Variants in UNC5C observed in about 807,000 individuals in gnomAD.
UNC5C encodes the protein netrin receptor UNC5C.
A neutral mutation model predicts 99.8 loss-of-function variants in UNC5C; 47 were observed. The observed-to-expected ratio is 0.47, with a 90% CI of 0.37 to 0.60. The LOEUF (loss-of-function observed/expected upper bound fraction) is 0.60. UNC5C is among the 20% of genes least tolerant of loss of function. UNC5C has a pLI of 0.00. For missense variants in UNC5C, 1,062 were observed against 1,165.9 expected (o/e 0.91, Z 1.30); for synonymous variants, 487 against 452.2 (o/e 1.08, Z -0.98).
chr4:95,471,666 C>T (rs149138846), intron 1 of UNC5C, among the ~76,000 whole-genome samples: 49 of 152,146 alleles, frequency 3.2e-4, no homozygotes, highest in African/African-American at 9.9e-4. Context: ...TATATTTTTA[C>T]GTCAAATTTC....
intron 2 of UNC5C, among the ~76,000 whole-genome samples, chr4:95,322,811 A>T (rs1318306833): frequency 6.6e-6 from 1 of 151,796 alleles, no homozygotes; most frequent in Non-Finnish European, 1.5e-5. Context: ...TGCCAGCAGC[A>T]TCTGTAGTCC....
chr4:95,539,199 C>T (rs920867834), intron 1 of UNC5C, among the ~76,000 whole-genome samples: 3 of 152,184 alleles, frequency 2.0e-5, no homozygotes, highest in Non-Finnish European at 2.9e-5. Flanking sequence ...CCTGCGTGCA[C>T]TGCATGCATA....
intron 1 of UNC5C, among the ~76,000 whole-genome samples, chr4:95,411,654 G>A (rs1745997595): frequency 6.6e-6 from 1 of 152,180 alleles, no homozygotes; most frequent in Non-Finnish European, 1.5e-5. Flanking sequence ...TTCACTGGAG[G>A]AAATTAGGCA....
chr4:95,169,926 C>T (rs1736021156), intron 15 of UNC5C, among the ~76,000 whole-genome samples: 1 of 152,124 alleles, frequency 6.6e-6, no homozygotes, highest in African/African-American at 2.4e-5. Flanking sequence ...AAGTGCATCA[C>T]AAAACTTGAT....
At position 95,182,894 on chromosome 4, in the gene UNC5C, T is replaced by C. The variant is rs763365360; in HGVS notation, c.2451+3A>G. Reference sequence around the variant, plus strand: ...TGATTTCAGACAGACAGGAGCCACTTACCTCTGACACGGTGCAGTTGAGCT... The same window carrying C: ...TGATTTCAGACAGACAGGAGCCACTCACCTCTGACACGGTGCAGTTGAGCT... On this transcript the variant is annotated splice_donor_region_variant and intron_variant, in intron 14 of 15. Transcript: ENST00000453304. 4 of 1,609,204 alleles carry C rather than the reference T, an allele frequency of 2.5e-6. No homozygotes were observed. Among genetic ancestry groups the C allele is most frequent in the Non-Finnish European group, 3.4e-6 (4 of 1,176,182 alleles).
chr4:95,186,243 G>GA, intron 12 of UNC5C, among the ~76,000 whole-genome samples: 1 of 151,546 alleles, frequency 6.6e-6, no homozygotes, highest in East Asian at 1.9e-4. Context: ...ATGGATTTTA[G>GA]AAAAAAAGCA....
At chr4:95,544,883 C>T (rs1723016533) in intron 1 of UNC5C, among the ~76,000 whole-genome samples, 1 of 152,228 alleles carries the variant, frequency 6.6e-6, no homozygotes, top group South Asian at 2.1e-4. Context: ...AATGTTTCTT[C>T]TGAGAGTGAC....
intron 1 of UNC5C, among the ~76,000 whole-genome samples, chr4:95,448,817 C>T (rs1747197872): frequency 6.6e-6 from 1 of 152,168 alleles, no homozygotes; most frequent in Non-Finnish European, 1.5e-5. Flanking sequence ...TTTTATATCA[C>T]TTAATGATTC....
Position 95,163,291 on chromosome 4 carries a change from G to C in UNC5C, c.*5943C>G, listed in dbSNP as rs1029010749. 2.0e-5 allele frequency: 3 copies of C among 152,144 alleles called. No homozygotes were observed. Among genetic ancestry groups the C allele is most frequent in the African/African-American group, 7.2e-5 (3 of 41,418 alleles). The allele number at this position is 152,144 out of a possible 1,614,324, so 9.4% of individuals were successfully genotyped here. On this transcript the variant is annotated 3_prime_UTR_variant, in exon 16 of 16. Transcript: ENST00000453304. Reference sequence around the variant, plus strand: ...TTACTTTCGGGATAGAAAAGGCAAAGGTATTTTACACCAGCTGTAGATTTC... The same window carrying C: ...TTACTTTCGGGATAGAAAAGGCAAACGTATTTTACACCAGCTGTAGATTTC...
chr4:95,514,609 T>A (rs1722164958), intron 1 of UNC5C, among the ~76,000 whole-genome samples: 1 of 149,846 alleles, frequency 6.7e-6, no homozygotes, highest in Admixed American at 6.7e-5. Flanking sequence ...GTGTGTTCTA[T>A]AAGAGCAGCA....
At chr4:95,324,175 A>T (rs1258855772) in intron 2 of UNC5C, among the ~76,000 whole-genome samples, 1 of 152,226 alleles carries the variant, frequency 6.6e-6, no homozygotes, top group Admixed American at 6.5e-5. Context: ...GGAGGTGTGC[A>T]GCAGGTGAGG....
chr4:95,283,711 C>T (rs1741139435), intron 3 of UNC5C, among the ~76,000 whole-genome samples: 1 of 152,136 alleles, frequency 6.6e-6, no homozygotes, highest in South Asian at 2.1e-4. Context: ...TGTGGCCATT[C>T]CTGTCAGAAA....
intron 3 of UNC5C, among the ~76,000 whole-genome samples, chr4:95,288,445 T>C (rs1164261332): frequency 6.6e-6 from 1 of 152,206 alleles, no homozygotes; most frequent in Non-Finnish European, 1.5e-5. Context: ...TCACCAGCTA[T>C]TTAGAAGTGG....
intron 1 of UNC5C, among the ~76,000 whole-genome samples, chr4:95,377,734 T>A (rs1040772052): frequency 1.3e-5 from 2 of 152,172 alleles, no homozygotes; most frequent in Non-Finnish European, 2.9e-5. Flanking sequence ...GCCAGGGGAA[T>A]TCTCAGCTGA....
chr4:95,264,232 G>A (rs1057466000), intron 4 of UNC5C, among the ~76,000 whole-genome samples: 9 of 152,144 alleles, frequency 5.9e-5, no homozygotes, highest in South Asian at 2.1e-4. Context: ...CAGCTGAAAC[G>A]TGTTAGCAAC....
rs1276459974 is a variant in UNC5C at position 95,354,656 on chromosome 4, A to AT, written c.125-19026dup. On this transcript the variant is annotated intron_variant, in intron 1 of 15. Transcript: ENST00000453304. ...ACCACTATGCCTGGCTAATGTTTAC[A>AT]TTTTTTTGTAGAGATGGGGTCATGC... Among the ~76,000 whole-genome samples, 7 of 151,430 alleles carry AT rather than the reference A, an allele frequency of 4.6e-5. No individual in the cohort carries two copies. In the East Asian group the frequency reaches 7.8e-4, roughly 17 times the overall value.
chr4:95,226,473 G>T (rs1738694219), intron 7 of UNC5C, among the ~76,000 whole-genome samples: 1 of 152,124 alleles, frequency 6.6e-6, no homozygotes, highest in Non-Finnish European at 1.5e-5. Flanking sequence ...CGTTACTAAG[G>T]TATACTAAGA....
rs543078112 is a variant in UNC5C, at chr4:95,180,885, T to TTTCTC, written c.2451+2007_2451+2011dup. 2.7e-4 allele frequency among the ~76,000 whole-genome samples: 41 copies of TTTCTC among 152,280 alleles called. 1 individual carries two copies. The East Asian group carries it at 7.7e-3, about 29-fold the overall frequency. On this transcript the variant is annotated intron_variant, in intron 14 of 15. Coordinates refer to ENST00000453304, the MANE Select transcript of UNC5C (RefSeq NM_003728.4). The stretch of plus-strand genomic sequence containing the variant: ...AAGAAAGAAACCACAAATGGAGCCT[T>TTTCTC]TTCTCTACTTGTTTATGGTTTGTCA...
At chr4:95,501,229 C>T (rs1339116981) in intron 1 of UNC5C, among the ~76,000 whole-genome samples, 7 of 152,048 alleles carry the variant, frequency 4.6e-5, no homozygotes. Context: ...AAGCAGCTAG[C>T]CCTCTGTTCA....
Sources: gnomAD v4.1 joint callset for allele counts (sites outside exome capture counted in the v4.1 genomes callset) on GRCh38, gnomAD v4.1.1 for gene constraint, MANE v1.5 for transcripts, NCBI Gene and HGNC (gene_info 2026-07-23, HGNC 2026-07-21) for gene names.